Variants in TNIP2 observed in about 807,000 individuals in gnomAD.
TNIP2 encodes TNFAIP3-interacting protein 2.
Under a neutral mutation model 43.7 loss-of-function variants are expected in TNIP2, and 30 were observed. The observed-to-expected ratio is 0.69, with a 90% CI of 0.51 to 0.93. The LOEUF (loss-of-function observed/expected upper bound fraction) is 0.93. TNIP2 is among the 40% of genes least tolerant of loss of function. The pLI is 0.00. For synonymous variants in TNIP2, 260 were observed against 254.6 expected, an observed-to-expected ratio of 1.02 and a Z score of -0.20; for missense variants, 599 against 591.0, an observed-to-expected ratio of 1.01 and a Z score of -0.14.
Position 2,744,937 on chromosome 4 carries a change from G to A in TNIP2, c.666C>T (p.Asp222=). 6.2e-7 allele frequency: 1 copy of A among 1,603,898 alleles called. No individual in the cohort carries two copies. The highest frequency in any genetic ancestry group is 8.5e-7 in the Non-Finnish European group (1 of 1,172,090). The change falls in exon 4 of 6, where the codon GAC becomes GAT. Residue 222 remains aspartate, a synonymous_variant. Coordinates refer to ENST00000315423, the MANE Select transcript of TNIP2 (RefSeq NM_024309.4). The surrounding 1 kb of genome is among the most constrained non-coding windows in gnomAD (Gnocchi z 5.1). ...TGTAGCGCTGCCACTTGGCATTGAGGTCTTCAACCTGAAGAGGTGGAGCCG... is the reference window on the plus strand; with the variant it reads ...TGTAGCGCTGCCACTTGGCATTGAGATCTTCAACCTGAAGAGGTGGAGCCG... ...LLKQKVTHVE[D]LNAKWQRYNA...
In TNIP2 at chr4:2,741,812, T is replaced by C. The variant is rs1420207050; in HGVS notation, c.*445A>G. ...CGGGGGTGGCCACCCTAGTGTGACGTGCAGCCGCAATACTCCATTTGACTG... is the reference window on the plus strand; with the variant it reads ...CGGGGGTGGCCACCCTAGTGTGACGCGCAGCCGCAATACTCCATTTGACTG... On this transcript the variant is annotated 3_prime_UTR_variant, in exon 6 of 6. Transcript: ENST00000315423. The C allele has an allele frequency of 6.3e-6, 1 of 159,478 alleles. No homozygotes were observed. The highest frequency in any genetic ancestry group is 1.4e-5 in the Non-Finnish European group (1 of 73,254). 9.9% of individuals were successfully genotyped at this position (159,478 alleles called of 1,614,324 possible).
At chr4:2,754,992 G>A (rs1722192210) in intron 1 of TNIP2, among the ~76,000 whole-genome samples, 1 of 152,164 alleles carries the variant, frequency 6.6e-6, no homozygotes, top group African/African-American at 2.4e-5. Context: ...CGAAAGTACT[G>A]GGATTACAGG....
At chr4:2,752,777 C>T (rs1722135003) in intron 1 of TNIP2, among the ~76,000 whole-genome samples, 1 of 152,192 alleles carries the variant, frequency 6.6e-6, no homozygotes, top group African/African-American at 2.4e-5. Flanking sequence ...AGCACAGTGG[C>T]TCACGCCTGT....
intron 2 of TNIP2, among the ~76,000 whole-genome samples, chr4:2,746,536 T>C (rs374526601): frequency 6.6e-5 from 10 of 152,216 alleles, no homozygotes; most frequent in African/African-American, 2.4e-4. Context: ...GTGTCCTCTC[T>C]GAGGTTCCCC....
intron 1 of TNIP2, among the ~76,000 whole-genome samples, chr4:2,752,551 A>C (rs1429048204): frequency 2.0e-5 from 3 of 152,148 alleles, no homozygotes; most frequent in African/African-American, 7.2e-5. Context: ...CTACTGGTCC[A>C]GGGTTCCTGC....
chr4:2,756,166 C>A lies in TNIP2; in HGVS notation c.124G>T (p.Asp42Tyr). ...RRLQDQLAAR[D>Y]ALIARLRARL... ...GCGCGGAGGCGAGCGATGAGGGCGT[C>A]GCGGGCAGCGAGCTGGTCCTGCAGG... Residue 42 changes from aspartate (D) to tyrosine (Y), a missense_variant, in exon 1 of 6, where the codon GAC becomes TAC. Physicochemically the swap from Asp to Tyr is radical, Grantham distance 160 (BLOSUM62 -3). Coordinates refer to ENST00000315423, the MANE Select transcript of TNIP2 (RefSeq NM_024309.4). The A allele has an allele frequency of 2.7e-6, 4 of 1,477,656 alleles. No individual in the cohort carries two copies. Among genetic ancestry groups the A allele is most frequent in the Non-Finnish European group, 3.6e-6 (4 of 1,122,144 alleles). 91.5% of individuals were successfully genotyped at this position (1,477,656 alleles called of 1,614,324 possible).
chr4:2,747,199 G>A lies in TNIP2; in HGVS notation c.567+456C>T, dbSNP rs377578246. Among the ~76,000 whole-genome samples, 65 of 152,368 alleles carry A rather than the reference G, an allele frequency of 4.3e-4. No individual in the cohort carries two copies. The East Asian group carries it at 6.0e-3, about 14-fold the overall frequency. On this transcript the variant is annotated intron_variant, in intron 2 of 5. Transcript: ENST00000315423. The stretch of plus-strand genomic sequence containing the variant: ...GCATGCACTCAGACACACTGAGCCT[G>A]AAGAAGGCGGGCACTCACGGTCCTT...
chr4:2,748,096 TACTC>T (rs879769539), intron 1 of TNIP2, 151 bp from the exon 2 acceptor site: 51 of 772,132 alleles, frequency 6.6e-5, no homozygotes, highest in Non-Finnish European at 9.6e-5. Flanking sequence ...AACTAACAAT[TACTC>T]ACTCAGAAGT....
At chr4:2,746,116 ACG>A (rs927224391) in intron 2 of TNIP2, 6 of 153,392 alleles carry the variant, frequency 3.9e-5, no homozygotes, top group African/African-American at 1.4e-4. Context: ...CCTCTGCCCC[ACG>A]CAGGGTCAGG....
At chr4:2,751,335 C>T (rs753867206) in intron 1 of TNIP2, among the ~76,000 whole-genome samples, 10 of 152,204 alleles carry the variant, frequency 6.6e-5, no homozygotes, top group Non-Finnish European at 1.0e-4. Context: ...GAAAGCCTGT[C>T]GCCGGGACCC....
At chr4:2,748,399 G>T (rs1722011233) in intron 1 of TNIP2, among the ~76,000 whole-genome samples, 1 of 151,950 alleles carries the variant, frequency 6.6e-6, no homozygotes, top group Admixed American at 6.6e-5. Context: ...CTCGAGTGCA[G>T]TGGAGCGATC....
At chr4:2,753,893 A>G (rs1722161779) in intron 1 of TNIP2, among the ~76,000 whole-genome samples, 1 of 152,180 alleles carries the variant, frequency 6.6e-6, no homozygotes, top group Non-Finnish European at 1.5e-5. Context: ...AGTATTTTAA[A>G]TGATGTAGAT....
In TNIP2 at chr4:2,756,311, GCCGCGCGGCCGCCGGCAACTT is replaced by G; in HGVS notation, c.-43_-23del. On this transcript the variant is annotated 5_prime_UTR_variant, in exon 1 of 6. Transcript: ENST00000315423. ...ACATGGCTGTAGGCCCGCCCGGGAG[GCCGCGCGGCCGCCGGCAACTT>G]CCGCGCCCGGGCCCCGCCGGCTGCC... 1 of 1,204,530 alleles carries G rather than the reference GCCGCGCGGCCGCCGGCAACTT, an allele frequency of 8.3e-7. No individual in the cohort carries two copies. Among genetic ancestry groups the G allele is most frequent in the South Asian group, 3.8e-5 (1 of 26,190 alleles). 74.6% of individuals were successfully genotyped at this position (1,204,530 alleles called of 1,614,324 possible).
At position 2,742,120 on chromosome 4, in the gene TNIP2, G is replaced by C. The variant is rs1396074814; in HGVS notation, c.*137C>G. The C allele has an allele frequency of 3.4e-6, 3 of 870,570 alleles. No individual in the cohort carries two copies. The highest frequency in any genetic ancestry group is 3.9e-5 in the South Asian group (1 of 25,676). 53.9% of individuals were successfully genotyped at this position (870,570 alleles called of 1,614,324 possible). A position where few individuals can be genotyped will look rare whatever the true frequency, so the allele number is the denominator to read the frequency against. ...CATAGCCAAAGGGACCAAAGTGAAC[G>C]ATCAGAGTGCCCCGCAACTATTCTA... is the stretch of plus-strand genomic sequence containing the variant. On this transcript the variant is annotated 3_prime_UTR_variant, in exon 6 of 6. Transcript: ENST00000315423.
intron 1 of TNIP2, among the ~76,000 whole-genome samples, chr4:2,748,636 G>A (rs1405932410): frequency 1.5e-5 from 2 of 135,158 alleles, no homozygotes; most frequent in Admixed American, 1.4e-4. Flanking sequence ...GGGATTACAG[G>A]CGTGAGCCAC....
chr4:2,743,307 G>A (rs1004487656), intron 5 of TNIP2, among the ~76,000 whole-genome samples: 10 of 150,420 alleles, frequency 6.6e-5, no homozygotes, highest in Admixed American at 3.9e-4. Context: ...CTTTACCCCC[G>A]GGGGTAAGAA....
At chr4:2,748,738 C>G (rs1226916333) in intron 1 of TNIP2, among the ~76,000 whole-genome samples, 2 of 136,720 alleles carry the variant, frequency 1.5e-5, no homozygotes, top group South Asian at 2.1e-4. Flanking sequence ...AGATGATCCG[C>G]CAGCCTTGGC....
At chr4:2,755,873 G>T in intron 1 of TNIP2, 141 bp downstream of exon 1, 1 of 1,167,456 alleles carries the variant, frequency 8.6e-7, no homozygotes, top group Non-Finnish European at 1.1e-6. Context: ...AACCCCTCAG[G>T]ACCCGAGGCC....
chr4:2,745,649 TAG>T, intron 2 of TNIP2, 114 bp from the exon 3 acceptor site: 1 of 722,104 alleles, frequency 1.4e-6, no homozygotes, highest in Non-Finnish European at 2.4e-6. Flanking sequence ...GTGCAGCGGG[TAG>T]TGATCATTCA....
Sources: allele counts gnomAD v4.1 joint callset (sites outside exome capture counted in the v4.1 genomes callset), GRCh38; gene constraint gnomAD v4.1.1; non-coding constraint Gnocchi (gnomAD v3.1); transcripts MANE v1.5; gene names NCBI Gene and HGNC (gene_info 2026-07-23, HGNC 2026-07-21).